ITPR1: variants seen among roughly 807,000 people sequenced by gnomAD.
The protein encoded by ITPR1 is inositol 1,4,5-trisphosphate receptor type 1.
ITPR1 carries 96 observed loss-of-function variants against 318.4 expected under a neutral mutation model. That is an observed-to-expected ratio of 0.30 (90% confidence interval 0.26 to 0.36). The LOEUF (loss-of-function observed/expected upper bound fraction) is 0.36, where lower values mean the gene tolerates loss of function less well. Ranked by LOEUF, ITPR1 falls within the 10% of genes least tolerant of loss-of-function variation. ITPR1 has a pLI of 1.00. For missense variants in ITPR1, 2,440 were observed against 3,460.2 expected (o/e 0.71, Z 7.40); for synonymous variants, 1,312 against 1,289.9 (o/e 1.02, Z -0.37).
chr3:4,646,965 A>G (rs2093472179), intron 10 of ITPR1, among the ~76,000 whole-genome samples: 1 of 152,150 alleles, frequency 6.6e-6, no homozygotes, highest in Non-Finnish European at 1.5e-5. Context: ...AGTCAAGAGT[A>G]TACAACTCAA....
intron 44 of ITPR1, among the ~76,000 whole-genome samples, chr3:4,741,770 A>G (rs1205966886): frequency 2.6e-5 from 4 of 152,188 alleles, no homozygotes; most frequent in Non-Finnish European, 2.9e-5. Context: ...CCTTGGTTTG[A>G]CAGGGCAGTC....
intron 54 of ITPR1, among the ~76,000 whole-genome samples, chr3:4,804,100 G>A (rs1412227021): frequency 6.6e-6 from 1 of 152,200 alleles, no homozygotes; most frequent in Non-Finnish European, 1.5e-5. Flanking sequence ...GCGAACTCCT[G>A]AGCTCAGGCA....
intron 4 of ITPR1, among the ~76,000 whole-genome samples, chr3:4,621,960 A>G (rs1185352107): frequency 6.6e-6 from 1 of 151,998 alleles, no homozygotes; most frequent in Non-Finnish European, 1.5e-5. Context: ...CCATAGATAA[A>G]TTTTGCCTCC....
chr3:4,608,088 G>T (rs1220206184), intron 4 of ITPR1, among the ~76,000 whole-genome samples: 2 of 152,098 alleles, frequency 1.3e-5, no homozygotes, highest in African/African-American at 4.8e-5. Flanking sequence ...ACAGTTAAGG[G>T]CAGTTTGAAG....
chr3:4,640,164 C>T (rs1399439622), intron 6 of ITPR1, among the ~76,000 whole-genome samples: 1 of 152,114 alleles, frequency 6.6e-6, no homozygotes, highest in East Asian at 1.9e-4. Context: ...GCACCTAGAC[C>T]CATTTGGTGA....
chr3:4,831,498 C>T (rs933645853), intron 60 of ITPR1: 22 of 158,482 alleles, frequency 1.4e-4, no homozygotes, highest in South Asian at 1.8e-4. Context: ...CAGAGTCAGA[C>T]CCAGTGGCAG....
intron 4 of ITPR1, among the ~76,000 whole-genome samples, chr3:4,597,151 T>A (rs1216305540): frequency 6.6e-6 from 1 of 152,188 alleles, no homozygotes; most frequent in Non-Finnish European, 1.5e-5. Context: ...GTTTTGTTTG[T>A]TTTTTAAGGA....
intron 59 of ITPR1, among the ~76,000 whole-genome samples, chr3:4,815,481 A>G (rs779772310): frequency 2.6e-5 from 4 of 152,130 alleles, no homozygotes; most frequent in Non-Finnish European, 5.9e-5. Flanking sequence ...TAGTCATTTA[A>G]CATCTTTAAT....
chr3:4,839,042 A>G (rs2051140738), intron 61 of ITPR1, among the ~76,000 whole-genome samples: 1 of 152,248 alleles, frequency 6.6e-6, no homozygotes, highest in Non-Finnish European at 1.5e-5. Context: ...GAATACAGGT[A>G]TAGTGCCGGG....
intron 26 of ITPR1, among the ~76,000 whole-genome samples, chr3:4,681,870 A>G (rs1329800736): frequency 6.6e-6 from 1 of 152,060 alleles, no homozygotes; most frequent in Non-Finnish European, 1.5e-5. Flanking sequence ...AAGAAAGCAA[A>G]ATCTGGTCTT....
intron 44 of ITPR1, among the ~76,000 whole-genome samples, chr3:4,746,643 A>G (rs541799015): frequency 6.6e-6 from 1 of 152,258 alleles, no homozygotes; most frequent in East Asian, 1.9e-4. Flanking sequence ...GTCTGTCTTC[A>G]CTCCGAGTCC....
intron 37 of ITPR1, among the ~76,000 whole-genome samples, chr3:4,709,777 C>T (rs1192016847): frequency 6.6e-6 from 1 of 152,088 alleles, no homozygotes; most frequent in Non-Finnish European, 1.5e-5. Flanking sequence ...CATTGGTGTC[C>T]TCATGTTTGT....
At chr3:4,644,020 G>A in intron 7 of ITPR1, 116 bp from the exon 8 acceptor site, 1 of 685,084 alleles carries the variant, frequency 1.5e-6, no homozygotes, top group Admixed American at 2.1e-5. Flanking sequence ...TATACTTGCT[G>A]GGGATAGGCC....
chr3:4,718,065 G>C (rs1219044565), intron 40 of ITPR1, among the ~76,000 whole-genome samples: 1 of 152,200 alleles, frequency 6.6e-6, no homozygotes, highest in Non-Finnish European at 1.5e-5. Context: ...CCCGTACCCA[G>C]AATTACCATG....
In ITPR1 at chr3:4,496,006, G is replaced by C. The variant is rs564528975; in HGVS notation, c.-17+1500G>C. 1.2e-3 allele frequency among the ~76,000 whole-genome samples: 180 copies of C among 152,278 alleles called. 1 individual carries two copies. The highest frequency in any genetic ancestry group is 4.2e-3 in the African/African-American group (173 of 41,552). ...ATAAAAGAGTGCAGATATTTGAGGA[G>C]GTATTAGATACTGTAATGAGTTCAT... On this transcript the variant is annotated intron_variant, in intron 2 of 61. Coordinates refer to ENST00000649015, the MANE Select transcript of ITPR1 (RefSeq NM_001378452.1).
At chr3:4,634,951 CA>C (rs2093136227) in intron 5 of ITPR1, among the ~76,000 whole-genome samples, 1 of 152,242 alleles carries the variant, frequency 6.6e-6, no homozygotes. Flanking sequence ...CCATGTTGGC[CA>C]GGCTGGTGTT....
At chr3:4,822,487 G>A (rs978701115) in intron 60 of ITPR1, among the ~76,000 whole-genome samples, 14 of 152,178 alleles carry the variant, frequency 9.2e-5, no homozygotes, top group Admixed American at 2.6e-4. Context: ...CATGGTTGAC[G>A]TTAGCGTTCT....
At chr3:4,835,560 G>A (rs182216504) in intron 60 of ITPR1, among the ~76,000 whole-genome samples, 8 of 149,592 alleles carry the variant, frequency 5.3e-5, no homozygotes, top group African/African-American at 1.5e-4. Flanking sequence ...CCAGCATTCC[G>A]AGTGAGTGTG....
chr3:4,564,323 T>G (rs1358023239), intron 4 of ITPR1, among the ~76,000 whole-genome samples: 1 of 152,172 alleles, frequency 6.6e-6, no homozygotes, highest in Non-Finnish European at 1.5e-5. Flanking sequence ...CAGTCTTTGG[T>G]GTTCCTTGGC....
Sources: gnomAD v4.1 joint callset for allele counts (sites outside exome capture counted in the v4.1 genomes callset) on GRCh38, gnomAD v4.1.1 for gene constraint, MANE v1.5 for transcripts, NCBI Gene and HGNC (gene_info 2026-07-23, HGNC 2026-07-21) for gene names.